Variants in TNFRSF21 observed in about 807,000 individuals in gnomAD.
TNFRSF21 encodes the protein tumor necrosis factor receptor superfamily member 21.
Under a neutral mutation model 45.6 loss-of-function variants are expected in TNFRSF21, and 19 were observed. The observed-to-expected ratio is 0.42, with a 90% CI of 0.29 to 0.61. The LOEUF (loss-of-function observed/expected upper bound fraction) is 0.61. Among genes scored for constraint, TNFRSF21 ranks in the 20% least tolerant of loss-of-function variants. The pLI is 0.23. For missense variants in TNFRSF21, 737 were observed against 851.5 expected (o/e 0.87, Z 1.67); for synonymous variants, 314 against 335.5 (o/e 0.94, Z 0.70).
At chr6:47,306,198 T>C (rs749440858) in intron 1 of TNFRSF21, among the ~76,000 whole-genome samples, 3 of 152,254 alleles carry the variant, frequency 2.0e-5, no homozygotes, top group Non-Finnish European at 2.9e-5. Flanking sequence ...TCTATTATCA[T>C]GCAGACACTC....
At chr6:47,257,203 T>C (rs1389965615) in intron 3 of TNFRSF21, among the ~76,000 whole-genome samples, 2 of 152,042 alleles carry the variant, frequency 1.3e-5, no homozygotes, top group Non-Finnish European at 2.9e-5. Flanking sequence ...TTATCCTTTT[T>C]TTAAGCCACA....
At chr6:47,287,744 T>G (rs1364831408) in intron 1 of TNFRSF21, among the ~76,000 whole-genome samples, 1 of 152,166 alleles carries the variant, frequency 6.6e-6, no homozygotes, top group Admixed American at 6.5e-5. Context: ...GTGAAAAACT[T>G]GAGCAGGCAT....
chr6:47,307,629 C>T (rs1014407337), intron 1 of TNFRSF21, among the ~76,000 whole-genome samples: 1 of 152,192 alleles, frequency 6.6e-6, no homozygotes, highest in Non-Finnish European at 1.5e-5. Flanking sequence ...CCACCCTGGC[C>T]GCCCAAAACG....
chr6:47,233,033 G>A, intron 5 of TNFRSF21, 39 bp from the exon 6 acceptor site: 1 of 1,596,718 alleles, frequency 6.3e-7, no homozygotes, highest in Non-Finnish European at 8.6e-7. Context: ...GCTGTAAGGT[G>A]ACTGTACTGG....
At chr6:47,264,817 G>A (rs1398979568) in intron 3 of TNFRSF21, among the ~76,000 whole-genome samples, 3 of 152,190 alleles carry the variant, frequency 2.0e-5, no homozygotes, top group Non-Finnish European at 4.4e-5. Context: ...GGGCGGGGGT[G>A]AGAACAGTCC....
At position 47,286,349 on chromosome 6, in the gene TNFRSF21, A is replaced by G. The variant is rs2113864658; in HGVS notation, c.343T>C (p.Trp115Arg). ...CAAGGTAATTTCTCAATCATTGGCCATGGGCATGGCTGACTACAGTCATGG... is the reference window on the plus strand; with the variant it reads ...CAAGGTAATTTCTCAATCATTGGCCGTGGGCATGGCTGACTACAGTCATGG... ...KCHDCSQPCP[W>R]PMIEKLPCAA... is the part of the protein sequence containing the mutation. Residue 115 changes from tryptophan (W) to arginine (R), a missense_variant, in exon 2 of 6, where the codon TGG becomes CGG. By Grantham distance (101) the Trp-to-Arg change is moderately radical. Coordinates refer to ENST00000296861, the MANE Select transcript of TNFRSF21 (RefSeq NM_014452.5). 1 of 1,614,244 alleles carries G rather than the reference A, an allele frequency of 6.2e-7. No individual in the cohort carries two copies. Among genetic ancestry groups the G allele is most frequent in the Non-Finnish European group, 8.5e-7 (1 of 1,180,050 alleles).
chr6:47,282,434 C>CG (rs1455562504), intron 3 of TNFRSF21, among the ~76,000 whole-genome samples: 4 of 150,160 alleles, frequency 2.7e-5, no homozygotes, highest in Non-Finnish European at 5.9e-5. Flanking sequence ...GAATTTGTGT[C>CG]GGGCTGCATT....
chr6:47,237,274 T>G (rs1764675486), intron 4 of TNFRSF21, among the ~76,000 whole-genome samples: 1 of 152,206 alleles, frequency 6.6e-6, no homozygotes, highest in Admixed American at 6.5e-5. Context: ...TAAAGTTGTT[T>G]TCACTTTTTC....
At chr6:47,259,100 G>A (rs1309094036) in intron 3 of TNFRSF21, among the ~76,000 whole-genome samples, 1 of 152,344 alleles carries the variant, frequency 6.6e-6, no homozygotes, top group South Asian at 2.1e-4. Flanking sequence ...ACACTCAGAA[G>A]ACAATGAAAG....
chr6:47,237,337 A>G (rs1764676857), intron 4 of TNFRSF21, among the ~76,000 whole-genome samples: 1 of 152,174 alleles, frequency 6.6e-6, no homozygotes, highest in African/African-American at 2.4e-5. Flanking sequence ...TTACCATAAT[A>G]TATACAATAT....
chr6:47,282,652 G>T (rs1762587200), intron 3 of TNFRSF21, among the ~76,000 whole-genome samples: 1 of 152,022 alleles, frequency 6.6e-6, no homozygotes, highest in Non-Finnish European at 1.5e-5. Flanking sequence ...ACCACACTGG[G>T]GAAAAAAAAT....
At chr6:47,250,390 T>C (rs1764884754) in intron 4 of TNFRSF21, among the ~76,000 whole-genome samples, 1 of 152,238 alleles carries the variant, frequency 6.6e-6, no homozygotes, top group Non-Finnish European at 1.5e-5. Context: ...GATATTGAAC[T>C]TGAAAGAAGA....
intron 4 of TNFRSF21, among the ~76,000 whole-genome samples, chr6:47,251,761 G>A (rs2295268): frequency 0.087 from 13,160 of 152,118 alleles, 1,364 homozygotes; most frequent in East Asian, 0.48. Context: ...TCAAACTGCC[G>A]CCATTTTACT....
intron 3 of TNFRSF21, among the ~76,000 whole-genome samples, chr6:47,264,794 G>A (rs988051319): frequency 2.6e-5 from 4 of 152,214 alleles, no homozygotes; most frequent in Non-Finnish European, 5.9e-5. Flanking sequence ...AGGTGGAAAA[G>A]GCAGTGGGAT....
intron 4 of TNFRSF21, among the ~76,000 whole-genome samples, chr6:47,235,924 C>A (rs902349982): frequency 6.6e-6 from 1 of 152,176 alleles, no homozygotes; most frequent in Non-Finnish European, 1.5e-5. Flanking sequence ...TTCACCACCA[C>A]TCTGGCTGGT....
intron 4 of TNFRSF21, among the ~76,000 whole-genome samples, chr6:47,243,707 T>G (rs1182435725): frequency 6.6e-6 from 1 of 152,198 alleles, no homozygotes; most frequent in Non-Finnish European, 1.5e-5. Context: ...TGTGAGCCAC[T>G]GTGCCCCATC....
At chr6:47,304,139 C>T (rs1220773797) in intron 1 of TNFRSF21, among the ~76,000 whole-genome samples, 1 of 152,068 alleles carries the variant, frequency 6.6e-6, no homozygotes, top group Admixed American at 6.6e-5. Flanking sequence ...CTGGCATCAC[C>T]GGAATTTGCC....
intron 1 of TNFRSF21, among the ~76,000 whole-genome samples, chr6:47,308,600 G>A (rs774192857): frequency 1.3e-5 from 2 of 152,232 alleles, no homozygotes; most frequent in Non-Finnish European, 2.9e-5. Flanking sequence ...GACGATGAGG[G>A]AGACTGCACC....
rs190901095 is a variant in TNFRSF21 at position 47,244,392 on chromosome 6, C to T, written c.1509+8864G>A. Reference sequence around the variant, plus strand: ...GAACTGTCTTGTTCACAAGACTGCACATTTTTTTTCTTAATTTGTAAAAAC... The same window carrying T: ...GAACTGTCTTGTTCACAAGACTGCATATTTTTTTTCTTAATTTGTAAAAAC... On this transcript the variant is annotated intron_variant, in intron 4 of 5. Transcript: ENST00000296861. Among the ~76,000 whole-genome samples, 141 of 150,326 alleles carry T rather than the reference C, an allele frequency of 9.4e-4. 1 individual carries two copies. The highest frequency in any genetic ancestry group is 3.4e-3 in the African/African-American group (138 of 40,966).
Sources: allele counts gnomAD v4.1 joint callset (sites outside exome capture counted in the v4.1 genomes callset), GRCh38; gene constraint gnomAD v4.1.1; transcripts MANE v1.5; gene names NCBI Gene and HGNC (gene_info 2026-07-23, HGNC 2026-07-21).